The following KCNAB1 variants were observed in gnomAD, a reference collection of about 807,000 sequenced individuals.
The protein encoded by KCNAB1 is potassium voltage-gated channel subfamily A regulatory beta subunit 1, also known as voltage-gated potassium channel subunit beta-1.
KCNAB1 carries 35 observed loss-of-function variants against 64.6 expected under a neutral mutation model. The ratio of observed to expected loss-of-function variants is 0.54; its 90% CI spans 0.41 to 0.72. KCNAB1 has a LOEUF of 0.72. Among genes scored for constraint, KCNAB1 ranks in the 30% least tolerant of loss-of-function variants. The pLI, the probability that KCNAB1 is intolerant of heterozygous loss-of-function variation, is 0.00. For missense variants in KCNAB1, 401 were observed against 512.9 expected (o/e 0.78, Z 2.11); for synonymous variants, 177 against 183.8 (o/e 0.96, Z 0.30).
intron 10 of KCNAB1, among the ~76,000 whole-genome samples, chr3:156,515,547 G>GAA (rs1717501586): frequency 6.6e-6 from 1 of 152,070 alleles, no homozygotes; most frequent in African/African-American, 2.4e-5. Context: ...ATTGGTGCTT[G>GAA]CTCGAGTAAA....
chr3:156,518,731 T>G (rs1717735584), intron 11 of KCNAB1, among the ~76,000 whole-genome samples: 1 of 152,186 alleles, frequency 6.6e-6, no homozygotes, highest in South Asian at 2.1e-4. Context: ...AAAGTAACAC[T>G]CTTTTTCTGG....
intron 8 of KCNAB1, among the ~76,000 whole-genome samples, chr3:156,481,836 A>C (rs534038947): frequency 4.2e-4 from 64 of 152,144 alleles, no homozygotes; most frequent in Non-Finnish European, 7.9e-4. Flanking sequence ...AACAGAGGAA[A>C]CATAAAGCAC....
chr3:156,436,889 G>C (rs918985214), intron 2 of KCNAB1, among the ~76,000 whole-genome samples: 6 of 152,258 alleles, frequency 3.9e-5, no homozygotes, highest in African/African-American at 1.2e-4. Context: ...TCTGATGATA[G>C]TTTCTTTTGC....
chr3:156,128,238 T>A (rs1713780921), intron 1 of KCNAB1, among the ~76,000 whole-genome samples: 2 of 152,196 alleles, frequency 1.3e-5, no homozygotes, highest in Admixed American at 1.3e-4. Context: ...GACGAGATGA[T>A]CCCTTGAGCT....
chr3:156,387,460 G>A (rs977886933), intron 1 of KCNAB1, among the ~76,000 whole-genome samples: 1 of 152,116 alleles, frequency 6.6e-6, no homozygotes, highest in East Asian at 1.9e-4. Context: ...TTAATCCAGT[G>A]GCATTTCCCA....
At chr3:156,475,995 C>T (rs1033736577) in intron 8 of KCNAB1, among the ~76,000 whole-genome samples, 7 of 151,956 alleles carry the variant, frequency 4.6e-5, no homozygotes, top group Admixed American at 3.3e-4. Context: ...GCAGTATCAG[C>T]GTGGGAAATT....
intron 8 of KCNAB1, among the ~76,000 whole-genome samples, chr3:156,490,877 C>T (rs190062234): frequency 8.0e-4 from 121 of 151,948 alleles, no homozygotes; most frequent in Admixed American, 1.4e-3. Flanking sequence ...TAGAGATTGA[C>T]GCAAAGAAAC....
chr3:156,141,951 T>G (rs1190380278), intron 1 of KCNAB1, among the ~76,000 whole-genome samples: 1 of 152,224 alleles, frequency 6.6e-6, no homozygotes, highest in African/African-American at 2.4e-5. Flanking sequence ...TTTTAGCTAT[T>G]GTGATAGGTG....
chr3:156,405,548 A>G (rs954061086), intron 1 of KCNAB1, among the ~76,000 whole-genome samples: 13 of 152,378 alleles, frequency 8.5e-5, no homozygotes, highest in African/African-American at 1.2e-4. Context: ...TTTAGAAAAC[A>G]TAAGTATGTA....
intron 1 of KCNAB1, among the ~76,000 whole-genome samples, chr3:156,227,209 T>C (rs1294015348): frequency 6.6e-6 from 1 of 152,228 alleles, no homozygotes; most frequent in African/African-American, 2.4e-5. Flanking sequence ...CACTGATCAG[T>C]AACTAATGCA....
At chr3:156,504,741 T>G (rs913225425) in intron 8 of KCNAB1, among the ~76,000 whole-genome samples, 3 of 128,702 alleles carry the variant, frequency 2.3e-5, no homozygotes, top group Non-Finnish European at 4.9e-5. Flanking sequence ...GTTTTGTTTT[T>G]GTTTTTTTTG....
intron 6 of KCNAB1, among the ~76,000 whole-genome samples, chr3:156,464,700 T>C (rs951373538): frequency 1.3e-5 from 2 of 152,124 alleles, no homozygotes; most frequent in Non-Finnish European, 2.9e-5. Context: ...CTATTTATAA[T>C]GATATGAAGA....
intron 1 of KCNAB1, among the ~76,000 whole-genome samples, chr3:156,124,800 G>A (rs1037663939): frequency 2.0e-5 from 3 of 151,842 alleles, no homozygotes; most frequent in Admixed American, 6.6e-5. Context: ...GAACTTTTCC[G>A]GGTCTCAATT....
rs565498593 is a variant in KCNAB1 at position 156,223,502 on chromosome 3, C to G, written c.275+102616C>G. On this transcript the variant is annotated intron_variant, in intron 1 of 13. Coordinates refer to ENST00000490337, the MANE Select transcript of KCNAB1 (RefSeq NM_172160.3). ...GACACAAAAGTGCTCCAAGTCCCCACTAGATTAGCTAGACACAGAGTACTC... is the reference window on the plus strand; with the variant it reads ...GACACAAAAGTGCTCCAAGTCCCCAGTAGATTAGCTAGACACAGAGTACTC... Among the ~76,000 whole-genome samples the G allele has an allele frequency of 3.3e-5, 5 of 152,290 alleles. No individual in the cohort carries two copies. The South Asian group carries it at 1.0e-3, about 32-fold the overall frequency.
intron 6 of KCNAB1, among the ~76,000 whole-genome samples, chr3:156,464,546 C>T (rs1386599595): frequency 6.6e-6 from 1 of 151,516 alleles, no homozygotes; most frequent in African/African-American, 2.4e-5. Flanking sequence ...CAAACAAAAC[C>T]TTATTTACCT....
chr3:156,505,956 G>T (rs908701901), intron 8 of KCNAB1, among the ~76,000 whole-genome samples: 2 of 152,168 alleles, frequency 1.3e-5, no homozygotes, highest in African/African-American at 4.8e-5. Flanking sequence ...ATTCATGAGG[G>T]ATCCACTTGA....
chr3:156,452,625 TC>T lies in KCNAB1; in HGVS notation c.320-273del, dbSNP rs1238207909. ...TCCAATAGCAGAAGGGAAAGCATCT[TC>T]TAGGACAGGGCTTCCAATAGTATGT... is the stretch of plus-strand genomic sequence containing the variant. On this transcript the variant is annotated intron_variant, in intron 2 of 13. Transcript: ENST00000490337. The surrounding 1 kb of genome is among the most constrained non-coding windows in gnomAD (Gnocchi z 4.6). 6.6e-6 allele frequency among the ~76,000 whole-genome samples: 1 copy of T among 152,152 alleles called. No homozygotes were observed. The highest frequency in any genetic ancestry group is 1.5e-5 in the Non-Finnish European group (1 of 68,028).
chr3:156,429,952 A>C (rs1445364136), intron 2 of KCNAB1, among the ~76,000 whole-genome samples: 1 of 152,248 alleles, frequency 6.6e-6, no homozygotes, highest in Non-Finnish European at 1.5e-5. Flanking sequence ...CTTTCTGGAA[A>C]GTCTAACTTG....
intron 1 of KCNAB1, among the ~76,000 whole-genome samples, chr3:156,379,360 C>G (rs1711979058): frequency 6.6e-6 from 1 of 152,118 alleles, no homozygotes; most frequent in African/African-American, 2.4e-5. Flanking sequence ...AAATCATGTA[C>G]TATGTTAGGT....
Sources: allele counts gnomAD v4.1 joint callset (sites outside exome capture counted in the v4.1 genomes callset), GRCh38; gene constraint gnomAD v4.1.1; non-coding constraint Gnocchi (gnomAD v3.1); transcripts MANE v1.5; gene names NCBI Gene and HGNC (gene_info 2026-07-23, HGNC 2026-07-21).